The following KAZN variants were observed in gnomAD, a reference collection of about 807,000 sequenced individuals.
The protein encoded by KAZN is kazrin, periplakin interacting protein.
KAZN carries 40 observed loss-of-function variants against 87.4 expected under a neutral mutation model. The observed-to-expected ratio is 0.46, with a 90% CI of 0.36 to 0.60. The LOEUF (loss-of-function observed/expected upper bound fraction) is 0.60. Ranked by LOEUF, KAZN falls within the 20% of genes least tolerant of loss-of-function variation. KAZN has a pLI of 0.00. For missense variants in KAZN, 898 were observed against 1,073.9 expected, an observed-to-expected ratio of 0.84 and a Z score of 2.29; for synonymous variants, 466 against 458.3, an observed-to-expected ratio of 1.02 and a Z score of -0.22.
At chr1:15,020,175 A>G (rs964379455) in intron 2 of KAZN, among the ~76,000 whole-genome samples, 32 of 152,146 alleles carry the variant, frequency 2.1e-4, no homozygotes, top group African/African-American at 7.0e-4. Context: ...CCTCCAGGTG[A>G]TACAAGCTGG....
chr1:15,041,603 C>T (rs1672940952), intron 3 of KAZN, among the ~76,000 whole-genome samples: 1 of 152,096 alleles, frequency 6.6e-6, no homozygotes, highest in Non-Finnish European at 1.5e-5. Context: ...TCCCAAAATA[C>T]TGGGACTACA....
At chr1:14,976,779 C>T (rs1401765352) in intron 2 of KAZN, among the ~76,000 whole-genome samples, 2 of 152,244 alleles carry the variant, frequency 1.3e-5, no homozygotes, top group Non-Finnish European at 1.5e-5. Flanking sequence ...CTAGGCAGGG[C>T]GCGGTGGCTC....
At chr1:14,259,920 G>A (rs868162806) in intron 2 of KAZN, among the ~76,000 whole-genome samples, 4 of 152,152 alleles carry the variant, frequency 2.6e-5, no homozygotes, top group Non-Finnish European at 4.4e-5. Flanking sequence ...CATATAAATG[G>A]GCTGTTACCA....
At chr1:14,450,057 C>T (rs1395310398) in intron 2 of KAZN, among the ~76,000 whole-genome samples, 2 of 152,130 alleles carry the variant, frequency 1.3e-5, no homozygotes, top group East Asian at 3.9e-4. Context: ...TGTGCAAATG[C>T]TTTCATGCAA....
chr1:14,095,029 T>C (rs1644096170), intron 1 of KAZN, among the ~76,000 whole-genome samples: 1 of 148,590 alleles, frequency 6.7e-6, no homozygotes, highest in Non-Finnish European at 1.5e-5. Flanking sequence ...CCAAATAGTG[T>C]TTCCCAACAG....
At chr1:14,059,143 A>G (rs565963754) in intron 1 of KAZN, among the ~76,000 whole-genome samples, 2 of 152,342 alleles carry the variant, frequency 1.3e-5, no homozygotes, top group East Asian at 3.9e-4. Flanking sequence ...GGACAGACCA[A>G]TAGGATATAT....
intron 2 of KAZN, among the ~76,000 whole-genome samples, chr1:14,583,111 T>C (rs1012137256): frequency 1.3e-5 from 2 of 152,174 alleles, no homozygotes; most frequent in Non-Finnish European, 1.5e-5. Flanking sequence ...GAAACTACAC[T>C]ATTATTGTCA....
intron 1 of KAZN, among the ~76,000 whole-genome samples, chr1:14,802,851 G>C (rs1646084275): frequency 1.3e-5 from 2 of 152,160 alleles, no homozygotes; most frequent in Non-Finnish European, 2.9e-5. Flanking sequence ...TGTTGTCTTG[G>C]GAGGGCACTC....
At chr1:14,333,113 A>C (rs1181773914) in intron 2 of KAZN, among the ~76,000 whole-genome samples, 1 of 151,794 alleles carries the variant, frequency 6.6e-6, no homozygotes, top group African/African-American at 2.4e-5. Context: ...TTCAGCTCCC[A>C]CTTATAAGTG....
intron 1 of KAZN, among the ~76,000 whole-genome samples, chr1:14,782,554 C>CAAAAAAAAAAGA (rs1645385905): frequency 1.5e-5 from 1 of 66,250 alleles, no homozygotes; most frequent in Non-Finnish European, 2.7e-5. Flanking sequence ...CCTCAAAGAG[C>CAAAAAAAAAAGA]AAAAAAAAAA....
At chr1:14,245,500 C>T (rs912449629) in intron 2 of KAZN, among the ~76,000 whole-genome samples, 3 of 152,150 alleles carry the variant, frequency 2.0e-5, no homozygotes, top group Admixed American at 2.0e-4. Flanking sequence ...TTAAACACTT[C>T]GGCAGTTTCA....
intron 2 of KAZN, among the ~76,000 whole-genome samples, chr1:14,512,022 T>C (rs1416707983): frequency 6.6e-6 from 1 of 152,180 alleles, no homozygotes; most frequent in African/African-American, 2.4e-5. Context: ...GGAATTCTTC[T>C]GGAGAAAATG....
chr1:14,095,055 G>A (rs1644097213), intron 1 of KAZN, among the ~76,000 whole-genome samples: 1 of 152,216 alleles, frequency 6.6e-6, no homozygotes, highest in Non-Finnish European at 1.5e-5. Flanking sequence ...TAAGAATGTA[G>A]GGCAGGACAA....
intron 1 of KAZN, among the ~76,000 whole-genome samples, chr1:13,930,029 C>T (rs1570309077): frequency 6.6e-6 from 1 of 152,130 alleles, no homozygotes; most frequent in Admixed American, 6.5e-5. Flanking sequence ...TAACCATTTC[C>T]CCCTACTGCT....
At chr1:14,934,697 G>A (rs1660248719) in intron 1 of KAZN, among the ~76,000 whole-genome samples, 1 of 152,254 alleles carries the variant, frequency 6.6e-6, no homozygotes, top group African/African-American at 2.4e-5. Flanking sequence ...CAGCACTGGA[G>A]GCATCAGGCA....
At chr1:14,670,990 A>T (rs551264669) in intron 1 of KAZN, among the ~76,000 whole-genome samples, 1 of 152,320 alleles carries the variant, frequency 6.6e-6, no homozygotes, top group African/African-American at 2.4e-5. Flanking sequence ...GATGTCAAAC[A>T]TCCCACAGTG....
chr1:14,355,704 G>C lies in KAZN; in HGVS notation c.249+175112G>C, dbSNP rs567199920. ...TGTTTGGTTTTCTGTTCTTGTGTTA[G>C]TTTGCTGAGAATGATGGTTTCCAGC... On this transcript the variant is annotated intron_variant, in intron 2 of 16. Transcript: ENST00000636203. 2.0e-5 allele frequency among the ~76,000 whole-genome samples: 3 copies of C among 152,188 alleles called. No individual in the cohort carries two copies. The South Asian group carries it at 6.2e-4, about 32-fold the overall frequency.
intron 2 of KAZN, among the ~76,000 whole-genome samples, chr1:14,587,445 A>G (rs1675923068): frequency 1.4e-5 from 2 of 145,044 alleles, no homozygotes; most frequent in South Asian, 4.6e-4. Context: ...CAAAAAAAAA[A>G]AGAAAAAAAA....
At chr1:14,062,314 T>C (rs1642826675) in intron 1 of KAZN, among the ~76,000 whole-genome samples, 1 of 152,144 alleles carries the variant, frequency 6.6e-6, no homozygotes, top group Admixed American at 6.5e-5. Context: ...TGTCCTTCAG[T>C]TATTTTATAC....
Sources: gnomAD v4.1 joint callset for allele counts (sites outside exome capture counted in the v4.1 genomes callset) on GRCh38, gnomAD v4.1.1 for gene constraint, MANE v1.5 for transcripts, NCBI Gene and HGNC (gene_info 2026-07-23, HGNC 2026-07-21) for gene names.